The following ANO2 variants were observed in gnomAD, a reference collection of about 807,000 sequenced individuals.
The protein encoded by ANO2 is anoctamin 2, also known as anoctamin-2.
Under a neutral mutation model 124.2 loss-of-function variants are expected in ANO2, and 101 were observed. That is an observed-to-expected ratio of 0.81 (90% CI 0.69 to 0.96). The LOEUF (loss-of-function observed/expected upper bound fraction) is 0.96, where lower values mean the gene tolerates loss of function less well. Ranked by LOEUF, ANO2 falls within the 40% of genes least tolerant of loss-of-function variation. The pLI is 0.00. For synonymous variants in ANO2, 486 were observed against 482.5 expected (o/e 1.01, Z -0.09); for missense variants, 1,293 against 1,274.5 (o/e 1.01, Z -0.22).
At position 5,584,139 on chromosome 12, in the gene ANO2, C is replaced by CT. The variant is rs140461271; in HGVS notation, c.2234-5622_2234-5621insA. On this transcript the variant is annotated intron_variant, in intron 20 of 24. Transcript: ENST00000682330. ...TCCTTAATTTAATGAACACCCCCCC[C>CT]CCGCCGCAAGAATATTAATGTTGAT... The CT allele has an allele frequency of 7.5e-3, 1,209 of 162,088 alleles. 25 individuals carry two copies. The highest frequency in any genetic ancestry group is 0.028 in the African/African-American group (1,063 of 38,158). 10.0% of individuals were successfully genotyped at this position (162,088 alleles called of 1,614,324 possible).
At chr12:5,770,737 T>C (rs1433736086) in intron 10 of ANO2, among the ~76,000 whole-genome samples, 3 of 152,190 alleles carry the variant, frequency 2.0e-5, no homozygotes, top group African/African-American at 7.2e-5. Flanking sequence ...TTTCTGACTT[T>C]ATATCACAGG....
In ANO2 at chr12:5,599,376, C is replaced by G. The variant is rs138146427; in HGVS notation, c.2233+108G>C. ...AATAGCCATGAAGCTCATGAAGAAG[C>G]AGAGGCTGTCCCAGTCATTTTCCCC... On this transcript the variant is annotated intron_variant, in intron 20 of 24. Coordinates refer to ENST00000682330, the MANE Select transcript of ANO2 (RefSeq NM_001364791.2). 1.4e-3 allele frequency: 1,790 copies of G among 1,320,784 alleles called. 13 individuals carry two copies. In the African/African-American group the frequency reaches 0.02, roughly 15 times the overall value. The allele number at this position is 1,320,784 out of a possible 1,614,324, so 81.8% of individuals were successfully genotyped here. A position where few individuals can be genotyped will look rare whatever the true frequency, so the allele number is the denominator to read the frequency against.
intron 3 of ANO2, among the ~76,000 whole-genome samples, chr12:5,906,717 C>T (rs1940721390): frequency 6.6e-6 from 1 of 152,066 alleles, no homozygotes; most frequent in Admixed American, 6.5e-5. Flanking sequence ...ATCACTTGAA[C>T]CTGGGAGGTG....
intron 7 of ANO2, among the ~76,000 whole-genome samples, chr12:5,809,248 C>A (rs1171153244): frequency 1.3e-5 from 2 of 152,138 alleles, no homozygotes; most frequent in African/African-American, 4.8e-5. Context: ...ATAACCACAG[C>A]AATGTGAAGC....
chr12:5,796,704 G>A (rs528281429), intron 10 of ANO2, among the ~76,000 whole-genome samples: 5 of 152,342 alleles, frequency 3.3e-5, no homozygotes, highest in African/African-American at 1.2e-4. Flanking sequence ...CAGCCGGGTG[G>A]AGGCAGGGGC....
At chr12:5,765,635 G>T (rs560989898) in intron 10 of ANO2, among the ~76,000 whole-genome samples, 1 of 152,106 alleles carries the variant, frequency 6.6e-6, no homozygotes, top group African/African-American at 2.4e-5. Flanking sequence ...TTAAAACCAC[G>T]TTAATGTGAA....
intron 11 of ANO2, among the ~76,000 whole-genome samples, chr12:5,745,558 A>G (rs945168619): frequency 6.4e-4 from 98 of 152,220 alleles, no homozygotes; most frequent in Non-Finnish European, 5.3e-4. Context: ...CCAAAGCCAA[A>G]GGATGCCTGG....
chr12:5,882,518 G>A (rs186712789), intron 3 of ANO2, among the ~76,000 whole-genome samples: 18 of 152,296 alleles, frequency 1.2e-4, no homozygotes, highest in African/African-American at 4.1e-4. Flanking sequence ...GCCAGCTTCA[G>A]GTCCTGGCCT....
intron 3 of ANO2, among the ~76,000 whole-genome samples, chr12:5,916,491 T>TAAAA (rs769233593): frequency 2.0e-5 from 2 of 98,084 alleles, no homozygotes; most frequent in Non-Finnish European, 4.0e-5. Flanking sequence ...TCGCAGCAGG[T>TAAAA]TAAAAAAAAA....
intron 14 of ANO2, among the ~76,000 whole-genome samples, chr12:5,700,211 G>A (rs949230440): frequency 2.6e-5 from 4 of 152,170 alleles, no homozygotes; most frequent in African/African-American, 9.7e-5. Context: ...CTCAACAAAT[G>A]TAAAAGAACA....
chr12:5,743,000 T>C (rs1591556624), intron 12 of ANO2, among the ~76,000 whole-genome samples: 1 of 152,042 alleles, frequency 6.6e-6, no homozygotes, highest in East Asian at 1.9e-4. Flanking sequence ...CTCTCCCTGA[T>C]AATAGAGAAT....
chr12:5,853,316 T>C (rs913583827), intron 4 of ANO2, among the ~76,000 whole-genome samples: 12 of 151,274 alleles, frequency 7.9e-5, no homozygotes, highest in Non-Finnish European at 2.9e-5. Context: ...GGTAGATTTT[T>C]AAATTATGTA....
intron 14 of ANO2, among the ~76,000 whole-genome samples, chr12:5,708,458 G>A (rs559517228): frequency 6.6e-6 from 1 of 152,240 alleles, no homozygotes; most frequent in South Asian, 2.1e-4. Flanking sequence ...TCATCTGGAG[G>A]AACTCTCCCA....
intron 1 of ANO2, among the ~76,000 whole-genome samples, chr12:5,936,622 C>G (rs1012289581): frequency 6.6e-6 from 1 of 152,204 alleles, no homozygotes; most frequent in Non-Finnish European, 1.5e-5. Flanking sequence ...GCTTTATAAA[C>G]AAGCCAGTCT....
intron 16 of ANO2, among the ~76,000 whole-genome samples, chr12:5,628,685 TGTGC>T (rs1413302725): frequency 4.0e-5 from 6 of 148,378 alleles, no homozygotes; most frequent in South Asian, 2.1e-4. Context: ...TGTGTGTGTG[TGTGC>T]GCGCGCGCAC....
At chr12:5,835,548 A>G (rs1954288488) in intron 4 of ANO2, among the ~76,000 whole-genome samples, 1 of 152,230 alleles carries the variant, frequency 6.6e-6, no homozygotes, top group Non-Finnish European at 1.5e-5. Flanking sequence ...AATGTACTTT[A>G]GTGCTAATCT....
chr12:5,888,282 A>G (rs553737989), intron 3 of ANO2, among the ~76,000 whole-genome samples: 9 of 152,132 alleles, frequency 5.9e-5, no homozygotes, highest in Non-Finnish European at 1.2e-4. Flanking sequence ...GTGAAGCTGC[A>G]GACCTTCGCG....
chr12:5,788,608 G>A (rs1952607852), intron 10 of ANO2, among the ~76,000 whole-genome samples: 1 of 152,204 alleles, frequency 6.6e-6, no homozygotes, highest in Non-Finnish European at 1.5e-5. Context: ...ACCCAGGCTG[G>A]AGTGCAGTGG....
chr12:5,622,945 C>T (rs866900288), intron 16 of ANO2, among the ~76,000 whole-genome samples: 2 of 136,248 alleles, frequency 1.5e-5, no homozygotes, highest in South Asian at 2.3e-4. Context: ...GCCTGGACAA[C>T]GATGCAAGGC....
Sources: allele counts gnomAD v4.1 joint callset (sites outside exome capture counted in the v4.1 genomes callset), GRCh38; gene constraint gnomAD v4.1.1; transcripts MANE v1.5; gene names NCBI Gene and HGNC (gene_info 2026-07-23, HGNC 2026-07-21).